The following HMGXB4 variants were observed in gnomAD, a reference collection of about 807,000 sequenced individuals.
HMGXB4 encodes HMG-box containing 4, also known as HMG domain-containing protein 4.
HMGXB4 carries 27 observed loss-of-function variants against 63.9 expected under a neutral mutation model. The ratio of observed to expected loss-of-function variants is 0.42; its 90% CI spans 0.31 to 0.58. HMGXB4 has a LOEUF of 0.58. Ranked by LOEUF, HMGXB4 falls within the 20% of genes least tolerant of loss-of-function variation. HMGXB4 has a pLI of 0.13. For synonymous variants in HMGXB4, 264 were observed against 265.3 expected, an observed-to-expected ratio of 0.99 and a Z score of 0.05; for missense variants, 624 against 700.7, an observed-to-expected ratio of 0.89 and a Z score of 1.24.
At chr22:35,257,685 C>T (rs1268584841) in intron 1 of HMGXB4, 128 bp downstream of exon 1, 2 of 152,290 alleles carry the variant, frequency 1.3e-5, no homozygotes, top group Non-Finnish European at 2.9e-5. Context: ...AGGCCCTTCG[C>T]GGCCTAGCCC....
the HMGXB4 span, among the ~76,000 whole-genome samples, chr22:35,248,367 C>A: frequency 6.8e-6 from 1 of 147,156 alleles, no homozygotes; most frequent in Non-Finnish European, 1.5e-5. Flanking sequence ...AAGGCAATGG[C>A]GAGAGCAGGA....
chr22:35,274,804 G>A (rs1373893119), intron 5 of HMGXB4, among the ~76,000 whole-genome samples: 1 of 152,230 alleles, frequency 6.6e-6, no homozygotes, highest in East Asian at 1.9e-4. Flanking sequence ...AAACTTTGGT[G>A]TAGAAACCTT....
chr22:35,282,129 G>A (rs1317912939), intron 5 of HMGXB4, among the ~76,000 whole-genome samples: 4 of 152,094 alleles, frequency 2.6e-5, no homozygotes, highest in African/African-American at 9.7e-5. Context: ...TGACTCTTAA[G>A]GCAAACAAAA....
chr22:35,283,479 A>G (rs1377178513), intron 5 of HMGXB4, among the ~76,000 whole-genome samples: 1 of 152,170 alleles, frequency 6.6e-6, no homozygotes, highest in Non-Finnish European at 1.5e-5. Flanking sequence ...CTGAGTGGTA[A>G]GTAACATGGA....
intron 5 of HMGXB4, among the ~76,000 whole-genome samples, chr22:35,282,757 TG>T (rs1165556725): frequency 2.0e-5 from 3 of 152,236 alleles, no homozygotes; most frequent in Non-Finnish European, 4.4e-5. Context: ...AGCTTAGTGG[TG>T]GTACCCTCAG....
intron 1 of HMGXB4, among the ~76,000 whole-genome samples, chr22:35,260,949 G>C (rs912652075): frequency 2.3e-4 from 35 of 152,126 alleles, no homozygotes; most frequent in Non-Finnish European, 1.5e-4. Context: ...TTAGTAATGT[G>C]TCATTTAAGT....
chr22:35,250,999 C>G, the HMGXB4 span, among the ~76,000 whole-genome samples: 2 of 152,108 alleles, frequency 1.3e-5, no homozygotes, highest in South Asian at 4.2e-4. Flanking sequence ...TGGGCAGTGG[C>G]CTTTCCTGCT....
At chr22:35,285,380 A>C (rs1356003085) in intron 6 of HMGXB4, among the ~76,000 whole-genome samples, 1 of 152,162 alleles carries the variant, frequency 6.6e-6, no homozygotes, top group East Asian at 1.9e-4. Flanking sequence ...CCCCGTCTCT[A>C]CTAAAAATAC....
At chr22:35,281,291 AT>A (rs1924228568) in intron 5 of HMGXB4, among the ~76,000 whole-genome samples, 1 of 152,200 alleles carries the variant, frequency 6.6e-6, no homozygotes, top group African/African-American at 2.4e-5. Flanking sequence ...GTTTTCCACT[AT>A]TTTATGCAGC....
At position 35,295,414 on chromosome 22, in the gene HMGXB4, T is replaced by G. The variant is rs1325524649; in HGVS notation, c.*1763T>G. On this transcript the variant is annotated 3_prime_UTR_variant, in exon 11 of 11. Coordinates refer to ENST00000216106, the MANE Select transcript of HMGXB4 (RefSeq NM_001003681.3). ...TTAGAACATTGTACCATGCCTCTTCTGTATCTGTGGAAGTTTCCTGTTTGA... is the reference window on the plus strand; with the variant it reads ...TTAGAACATTGTACCATGCCTCTTCGGTATCTGTGGAAGTTTCCTGTTTGA... 2.0e-5 allele frequency: 3 copies of G among 152,640 alleles called. No individual in the cohort carries two copies. The highest frequency in any genetic ancestry group is 6.5e-5 in the Admixed American group (1 of 15,288). The allele number at this position is 152,640 out of a possible 1,614,324, so 9.5% of individuals were successfully genotyped here.
chr22:35,261,220 G>A (rs555814384), intron 1 of HMGXB4, among the ~76,000 whole-genome samples: 2 of 152,148 alleles, frequency 1.3e-5, no homozygotes, highest in East Asian at 1.9e-4. Context: ...GGTGGATCAC[G>A]AGGTCAAGAG....
intron 1 of HMGXB4, among the ~76,000 whole-genome samples, 171 bp downstream of exon 1, chr22:35,257,728 C>T (rs913583088): frequency 6.6e-6 from 1 of 152,196 alleles, no homozygotes; most frequent in African/African-American, 2.4e-5. Flanking sequence ...GTAGCGGCCG[C>T]AGCCGCCCCC....
intron 6 of HMGXB4, 108 bp downstream of exon 6, chr22:35,284,151 C>A: frequency 1.3e-6 from 1 of 777,748 alleles, no homozygotes; most frequent in Non-Finnish European, 2.2e-6. Context: ...TGTTTCTTTC[C>A]TCAGTTCTGC....
upstream of HMGXB4, among the ~76,000 whole-genome samples, chr22:35,256,692 G>A (rs1023926430): frequency 1.3e-5 from 2 of 152,004 alleles, no homozygotes; most frequent in African/African-American, 2.4e-5. Context: ...GTAGAGACGG[G>A]GTTTCACCAC....
intron 2 of HMGXB4, 93 bp from the exon 3 acceptor site, chr22:35,262,985 A>G (rs1294325775): frequency 8.5e-7 from 1 of 1,170,102 alleles, no homozygotes; most frequent in Non-Finnish European, 1.3e-6. Flanking sequence ...TTAATTTGGA[A>G]ATAGAGGAAC....
At chr22:35,264,526 C>T (rs1208650692) in intron 4 of HMGXB4, 122 bp from the exon 5 acceptor site, 1 of 701,494 alleles carries the variant, frequency 1.4e-6, no homozygotes, top group African/African-American at 1.8e-5. Context: ...GTTAAAGGGT[C>T]TCCCTTCAAA....
At chr22:35,263,452 T>A (rs1269100782) in intron 3 of HMGXB4, among the ~76,000 whole-genome samples, 2 of 152,064 alleles carry the variant, frequency 1.3e-5, no homozygotes, top group African/African-American at 4.8e-5. Flanking sequence ...CCTGGCCAAT[T>A]TTTGTATTTT....
rs1477768098 is a variant in HMGXB4 at position 35,264,725 on chromosome 22, T to A, written c.337T>A (p.Leu113Met). The A allele has an allele frequency of 6.2e-7, 1 of 1,613,938 alleles. No individual in the cohort carries two copies. The highest frequency in any genetic ancestry group is 8.5e-7 in the Non-Finnish European group (1 of 1,179,908). ...PQSTDTAMDL[L>M]KAITSPLAAG... ...GTCTACTGATACAGCTATGGACCTGTTGAAAGCTATCACTTCCCCACTGGC... is the reference window on the plus strand; with the variant it reads ...GTCTACTGATACAGCTATGGACCTGATGAAAGCTATCACTTCCCCACTGGC... Residue 113 changes from leucine (L) to methionine (M), a missense_variant, in exon 5 of 11, where the codon TTG becomes ATG. Physicochemically the swap from Leu to Met is conservative, Grantham distance 15. Coordinates refer to ENST00000216106, the MANE Select transcript of HMGXB4 (RefSeq NM_001003681.3).
intron 6 of HMGXB4, among the ~76,000 whole-genome samples, chr22:35,285,171 T>C (rs1924490257): frequency 6.6e-6 from 1 of 152,176 alleles, no homozygotes; most frequent in Non-Finnish European, 1.5e-5. Context: ...TTTGGGAGGC[T>C]GAAGCAGGAG....
Sources: allele counts gnomAD v4.1 joint callset (sites outside exome capture counted in the v4.1 genomes callset), GRCh38; gene constraint gnomAD v4.1.1; transcripts MANE v1.5; gene names NCBI Gene and HGNC (gene_info 2026-07-23, HGNC 2026-07-21).